MTOR: variants seen among roughly 807,000 people sequenced by gnomAD.
The protein encoded by MTOR is serine/threonine-protein kinase mTOR.
Under a neutral mutation model 319.8 loss-of-function variants are expected in MTOR, and 70 were observed. The ratio of observed to expected loss-of-function variants is 0.22; its 90% CI spans 0.18 to 0.27. The LOEUF (loss-of-function observed/expected upper bound fraction) is 0.27, where lower values mean the gene tolerates loss of function less well. MTOR is among the 10% of genes least tolerant of loss of function. The pLI is 1.00. For synonymous variants in MTOR, 1,183 were observed against 1,211.4 expected, an observed-to-expected ratio of 0.98 and a Z score of 0.49; for missense variants, 1,890 against 3,274.4, an observed-to-expected ratio of 0.58 and a Z score of 10.32.
chr1:11,130,183 G>T (rs1469123811), intron 39 of MTOR, among the ~76,000 whole-genome samples: 1 of 152,084 alleles, frequency 6.6e-6, no homozygotes, highest in Non-Finnish European at 1.5e-5. Flanking sequence ...GAAGTGGAGA[G>T]AAAAAGGCAG....
At position 11,118,228 on chromosome 1, in the gene MTOR, ATTTTTTTTTTTTTTT is replaced by A. The variant is rs771785403; in HGVS notation, c.6934-1157_6934-1143del. ...ACGCCTTAAATTCCAAACTTAGTTA[ATTTTTTTTTTTTTTT>A]TTTTTTTTTTTTGGACAGAGTCTTG... On this transcript the variant is annotated intron_variant, in intron 49 of 57. Coordinates refer to ENST00000361445, the MANE Select transcript of MTOR (RefSeq NM_004958.4). Among the ~76,000 whole-genome samples the A allele has an allele frequency of 6.6e-5, 8 of 120,764 alleles. No homozygotes were observed. In the East Asian group the frequency reaches 1.1e-3, roughly 17 times the overall value. The allele number at this position is 120,764 out of a possible 152,430, so 79.2% of individuals were successfully genotyped here. A position where few individuals can be genotyped will look rare whatever the true frequency, so the allele number is the denominator to read the frequency against.
At chr1:11,124,730 T>C in intron 46 of MTOR, 97 bp from the exon 47 acceptor site, 3 of 1,321,336 alleles carry the variant, frequency 2.3e-6, no homozygotes, top group Admixed American at 2.4e-5. Flanking sequence ...AGACTACATA[T>C]GCCTTACCTA....
intron 31 of MTOR, among the ~76,000 whole-genome samples, chr1:11,147,770 T>C (rs910007986): frequency 3.9e-5 from 6 of 152,146 alleles, no homozygotes; most frequent in Non-Finnish European, 8.8e-5. Context: ...AGGTGAAGCT[T>C]TTCACCAGGG....
intron 28 of MTOR, among the ~76,000 whole-genome samples, chr1:11,190,921 A>G (rs1188402837): frequency 1.3e-5 from 2 of 152,242 alleles, no homozygotes; most frequent in African/African-American, 4.8e-5. Flanking sequence ...TTTTAACATG[A>G]AACCAAGCTT....
At chr1:11,144,408 AT>A (rs1032379017) in intron 34 of MTOR, 117 of 456,658 alleles carry the variant, frequency 2.6e-4, no homozygotes, top group Middle Eastern at 1.2e-3. Flanking sequence ...ACTAAAAAAC[AT>A]TTTTTTTAAT....
intron 11 of MTOR, 141 bp downstream of exon 11, chr1:11,240,162 T>C (rs1210518742): frequency 1.5e-5 from 18 of 1,192,046 alleles, no homozygotes; most frequent in Non-Finnish European, 1.8e-5. Context: ...GGAAAGAGTC[T>C]AGGAAGGATG....
intron 28 of MTOR, among the ~76,000 whole-genome samples, chr1:11,187,743 G>A (rs1645369120): frequency 6.6e-6 from 1 of 152,216 alleles, no homozygotes; most frequent in Non-Finnish European, 1.5e-5. Flanking sequence ...TGGGGCCAGA[G>A]TCTCGTTACT....
chr1:11,167,901 C>G (rs1251476172), intron 28 of MTOR, among the ~76,000 whole-genome samples: 2 of 152,084 alleles, frequency 1.3e-5, no homozygotes, highest in Non-Finnish European at 1.5e-5. Flanking sequence ...AACCCTGTCT[C>G]TACTAAAAAT....
chr1:11,228,611 A>G (rs1283003081), intron 19 of MTOR, 57 bp downstream of exon 19: 1 of 1,583,262 alleles, frequency 6.3e-7, no homozygotes, highest in South Asian at 1.2e-5. Flanking sequence ...GCACAGATGG[A>G]TCTGTGCATG....
At chr1:11,254,381 C>T (rs1024538654) in intron 5 of MTOR, among the ~76,000 whole-genome samples, 1 of 152,140 alleles carries the variant, frequency 6.6e-6, no homozygotes, top group African/African-American at 2.4e-5. Context: ...CTCAAGTGAT[C>T]CACCCATCTC....
intron 14 of MTOR, 126 bp downstream of exon 14, chr1:11,234,017 C>T (rs1569714448): frequency 1.4e-6 from 2 of 1,404,092 alleles, no homozygotes; most frequent in East Asian, 2.3e-5. Flanking sequence ...CTTTGGTCTC[C>T]AAGCGTGAGA....
intron 13 of MTOR, among the ~76,000 whole-genome samples, chr1:11,237,169 G>C (rs1428253524): frequency 1.3e-5 from 2 of 152,154 alleles, no homozygotes; most frequent in Non-Finnish European, 2.9e-5. Context: ...AGACCCACAA[G>C]AGGCAGGTGG....
chr1:11,138,803 G>C (rs1643552918), intron 36 of MTOR, among the ~76,000 whole-genome samples: 1 of 152,214 alleles, frequency 6.6e-6, no homozygotes, highest in African/African-American at 2.4e-5. Context: ...CCAAGGGCTT[G>C]TCTGTACATA....
chr1:11,258,681 G>T, intron 2 of MTOR, 88 bp from the exon 3 acceptor site: 1 of 922,730 alleles, frequency 1.1e-6, no homozygotes, highest in Non-Finnish European at 1.7e-6. Flanking sequence ...ATTAGATCCT[G>T]AGAGGCAGGA....
In MTOR at chr1:11,119,678, G is replaced by A. The variant is rs144487602; in HGVS notation, c.6933+1568C>T. Among the ~76,000 whole-genome samples the A allele has an allele frequency of 7.3e-3, 1,088 of 149,994 alleles. 20 individuals carry two copies. Among genetic ancestry groups the A allele is most frequent in the African/African-American group, 0.025 (1,024 of 40,644 alleles). Reference sequence around the variant, plus strand: ...GGAGAATCACTTCAACCTGGGAGACGGAGTATGTAGTGAGCCGAGATCGTG... The same window carrying A: ...GGAGAATCACTTCAACCTGGGAGACAGAGTATGTAGTGAGCCGAGATCGTG... On this transcript the variant is annotated intron_variant, in intron 49 of 57. Transcript: ENST00000361445.
At chr1:11,211,749 G>C (rs1278904792) in intron 23 of MTOR, among the ~76,000 whole-genome samples, 9 of 152,104 alleles carry the variant, frequency 5.9e-5, no homozygotes, top group Non-Finnish European at 1.3e-4. Flanking sequence ...AGAGCTCCAG[G>C]CCTACAAAAT....
At chr1:11,160,120 G>A (rs1177336215) in intron 29 of MTOR, among the ~76,000 whole-genome samples, 4 of 55,276 alleles carry the variant, frequency 7.2e-5, no homozygotes, top group African/African-American at 1.2e-4. Flanking sequence ...TTAATTTTGA[G>A]GCAGAGTTTC....
intron 21 of MTOR, 133 bp downstream of exon 21, chr1:11,213,266 G>C: frequency 1.1e-6 from 1 of 882,968 alleles, no homozygotes; most frequent in South Asian, 1.8e-5. Context: ...TTGGGTATTA[G>C]TATTCTTGGG....
intron 38 of MTOR, chr1:11,131,564 C>T (rs1464434986): frequency 6.6e-6 from 1 of 152,282 alleles, no homozygotes; most frequent in Non-Finnish European, 1.5e-5. Context: ...GAAAGAATCT[C>T]ACCCATCTGC....
Sources: gnomAD v4.1 joint callset for allele counts (sites outside exome capture counted in the v4.1 genomes callset) on GRCh38, gnomAD v4.1.1 for gene constraint, MANE v1.5 for transcripts, NCBI Gene and HGNC (gene_info 2026-07-23, HGNC 2026-07-21) for gene names.